Variants in CCNB1 observed in about 807,000 individuals in gnomAD.
The protein encoded by CCNB1 is G2/mitotic-specific cyclin-B1.
In CCNB1, 26 loss-of-function variants were observed where a neutral mutation model predicts 44.4. That is an observed-to-expected ratio of 0.59 (90% CI 0.43 to 0.81). The LOEUF (loss-of-function observed/expected upper bound fraction) is 0.81. Among genes scored for constraint, CCNB1 ranks in the 40% least tolerant of loss-of-function variants. CCNB1 has a pLI of 0.00. For missense variants in CCNB1, 477 were observed against 520.9 expected (o/e 0.92, Z 0.82); for synonymous variants, 195 against 181.4 (o/e 1.08, Z -0.60).
At chr5:69,176,128 T>C (rs1360235820) in intron 7 of CCNB1, among the ~76,000 whole-genome samples, 4 of 151,264 alleles carry the variant, frequency 2.6e-5, no homozygotes, top group African/African-American at 9.7e-5. Flanking sequence ...GCTCAAGCGA[T>C]CCACCCACCT....
intron 3 of CCNB1, among the ~76,000 whole-genome samples, chr5:69,170,209 C>G (rs567155311): frequency 6.6e-6 from 1 of 150,920 alleles, no homozygotes; most frequent in East Asian, 2.0e-4. Flanking sequence ...TCTCGAACTC[C>G]TGACCTCGTG....
chr5:69,170,489 A>G (rs1249207585), intron 3 of CCNB1, among the ~76,000 whole-genome samples: 1 of 152,232 alleles, frequency 6.6e-6, no homozygotes, highest in Non-Finnish European at 1.5e-5. Flanking sequence ...AGCAGTTTAT[A>G]TTATGAAATA....
intron 3 of CCNB1, among the ~76,000 whole-genome samples, chr5:69,169,904 C>A (rs1747421772): frequency 6.6e-6 from 1 of 151,950 alleles, no homozygotes; most frequent in Non-Finnish European, 1.5e-5. Context: ...CCCGCCTCAG[C>A]CTCCCAAAGT....
At position 69,167,150 on chromosome 5, in the gene CCNB1, G is replaced by T. The variant is rs1418662635; in HGVS notation, c.-113G>T. 1.2e-6 allele frequency: 1 copy of T among 857,478 alleles called. No individual in the cohort carries two copies. Among genetic ancestry groups the T allele is most frequent in the Non-Finnish European group, 1.8e-6 (1 of 558,544 alleles). The allele number at this position is 857,478 out of a possible 1,614,324, so 53.1% of individuals were successfully genotyped here. A position where few individuals can be genotyped will look rare whatever the true frequency, so the allele number is the denominator to read the frequency against. Reference sequence around the variant, plus strand: ...ATCTGAGGCTAGGCTGGCTCTTCTCGGCGTGCTGCGGCGGAACGGCTGTTG... The same window carrying T: ...ATCTGAGGCTAGGCTGGCTCTTCTCTGCGTGCTGCGGCGGAACGGCTGTTG... On this transcript the variant is annotated 5_prime_UTR_variant, in exon 1 of 9. Transcript: ENST00000256442.
chr5:69,176,359 C>T (rs1747589086), intron 7 of CCNB1, among the ~76,000 whole-genome samples: 1 of 151,386 alleles, frequency 6.6e-6, no homozygotes, highest in Non-Finnish European at 1.5e-5. Flanking sequence ...TACCCTAGGT[C>T]TTTTTTTGTT....
chr5:69,172,477 G>A (rs1166348475), intron 4 of CCNB1, among the ~76,000 whole-genome samples: 3 of 151,934 alleles, frequency 2.0e-5, no homozygotes, highest in Admixed American at 6.6e-5. Context: ...GGCTGGTCTC[G>A]AACTCCTGAC....
chr5:69,171,623 A>G (rs1006257397), intron 4 of CCNB1, among the ~76,000 whole-genome samples, 171 bp downstream of exon 4: 1 of 152,174 alleles, frequency 6.6e-6, no homozygotes, highest in East Asian at 1.9e-4. Flanking sequence ...AAATAAACCA[A>G]TGGAGTCTAT....
rs35474511 is a variant in CCNB1 at position 69,169,625 on chromosome 5, C to G, written c.363+1282C>G. ...ACTCCTGAAGCTTTCCCAAACTTCC[C>G]CCATCTCCACCCCCTGTTCCTAGAA... On this transcript the variant is annotated intron_variant, in intron 3 of 8. Transcript: ENST00000256442. Among the ~76,000 whole-genome samples the G allele has an allele frequency of 5.4e-4, 82 of 152,072 alleles. No homozygotes were observed. In the Middle Eastern group the frequency reaches 0.014, roughly 25 times the overall value.
intron 7 of CCNB1, 143 bp from the exon 8 acceptor site, chr5:69,177,096 G>A (rs1031511104): frequency 3.5e-5 from 18 of 516,858 alleles, no homozygotes; most frequent in South Asian, 2.2e-4. Flanking sequence ...TAGGAAAGGA[G>A]TCTTTAGCTT....
chr5:69,177,905 C>G lies in CCNB1; in HGVS notation c.*274C>G, dbSNP rs1014148810. The G allele has an allele frequency of 3.6e-6, 1 of 277,024 alleles. No individual in the cohort carries two copies. The highest frequency in any genetic ancestry group is 6.8e-6 in the Non-Finnish European group (1 of 147,340). The allele number at this position is 277,024 out of a possible 1,614,324, so 17.2% of individuals were successfully genotyped here. ...TATACTGGGTTCTTGTTTTATATACCTGGCTTTTACTTTATTAATATGAGT... is the reference window on the plus strand; with the variant it reads ...TATACTGGGTTCTTGTTTTATATACGTGGCTTTTACTTTATTAATATGAGT... On this transcript the variant is annotated 3_prime_UTR_variant, in exon 9 of 9. Transcript: ENST00000256442.
At chr5:69,173,437 A>G (rs1440734098) in intron 4 of CCNB1, among the ~76,000 whole-genome samples, 1 of 152,212 alleles carries the variant, frequency 6.6e-6, no homozygotes, top group Non-Finnish European at 1.5e-5. Context: ...GCCAAACTTA[A>G]AGTGAATAGG....
At chr5:69,173,433 CTT>C (rs745447791) in intron 4 of CCNB1, among the ~76,000 whole-genome samples, 29 of 152,158 alleles carry the variant, frequency 1.9e-4, no homozygotes, top group African/African-American at 4.6e-4. Context: ...AAAGGCCAAA[CTT>C]AAAGTGAATA....
chr5:69,175,982 A>ATATATATAT (rs1747577532), intron 7 of CCNB1, among the ~76,000 whole-genome samples: 1 of 116,398 alleles, frequency 8.6e-6, no homozygotes, highest in African/African-American at 3.4e-5. Context: ...AAATATATAA[A>ATATATATAT]ATATATATAT....
intron 5 of CCNB1, 103 bp from the exon 6 acceptor site, chr5:69,174,774 T>TTAAG: frequency 1.1e-6 from 1 of 926,304 alleles, no homozygotes; most frequent in South Asian, 1.5e-5. Flanking sequence ...TATGGTGTCA[T>TTAAG]TAAGATTTTG....
chr5:69,173,256 A>G (rs948128868), intron 4 of CCNB1, among the ~76,000 whole-genome samples: 2 of 152,144 alleles, frequency 1.3e-5, no homozygotes, highest in Non-Finnish European at 2.9e-5. Flanking sequence ...GATGGCTGTA[A>G]GATGTAGATC....
At chr5:69,167,823 C>T in intron 1 of CCNB1, 85 bp from the exon 2 acceptor site, 1 of 1,271,154 alleles carries the variant, frequency 7.9e-7, no homozygotes. Context: ...TTTCTGGGAA[C>T]TTCTCCTTGT....
At chr5:69,174,829 G>A (rs1228644207) in intron 5 of CCNB1, 48 bp from the exon 6 acceptor site, 1 of 1,434,118 alleles carries the variant, frequency 7.0e-7, no homozygotes, top group Non-Finnish European at 9.8e-7. Flanking sequence ...ATAGCTCTGT[G>A]TCTCCTTTTC....
In CCNB1 at chr5:69,177,528, TCAAGAA is replaced by T. The variant is rs1367734255; in HGVS notation, c.1204_1209del (p.Asn402_Lys403del). The T allele has an allele frequency of 6.2e-7, 1 of 1,607,988 alleles. No individual in the cohort carries two copies. Among genetic ancestry groups the T allele is most frequent in the Non-Finnish European group, 8.5e-7 (1 of 1,175,138 alleles). On this transcript the variant is annotated inframe_deletion, in exon 9 of 9. Transcript: ENST00000256442. ...TGCTATCTTTTTGTCTTCCAGACTG[TCAAGAA>T]CAAGTATGCCACATCGAAGCATGCT...
rs1337816486 is a variant in CCNB1 at position 69,174,930 on chromosome 5, T to C, written c.759T>C (p.Phe253=). 24 of 1,614,102 alleles carry C rather than the reference T, an allele frequency of 1.5e-5. No individual in the cohort carries two copies. Among genetic ancestry groups the C allele is most frequent in the Non-Finnish European group, 2.0e-5 (24 of 1,180,050 alleles). Residue 253 remains phenylalanine, a synonymous_variant, in exon 6 of 9, where the codon TTT becomes TTC. Transcript: ENST00000256442. The part of the protein sequence containing the change: ...MLQLVGVTAM[F]IASKYEEMYP... ...AGCTGGTTGGTGTCACTGCCATGTTTATTGCAAGCAAATATGAAGAAATGT... is the reference window on the plus strand; with the variant it reads ...AGCTGGTTGGTGTCACTGCCATGTTCATTGCAAGCAAATATGAAGAAATGT...
Sources: allele counts gnomAD v4.1 joint callset (sites outside exome capture counted in the v4.1 genomes callset), GRCh38; gene constraint gnomAD v4.1.1; transcripts MANE v1.5; gene names NCBI Gene and HGNC (gene_info 2026-07-23, HGNC 2026-07-21).